The following MARS1 variants were observed in gnomAD, a reference collection of about 807,000 sequenced individuals.
MARS1 encodes methionine--tRNA ligase, cytoplasmic.
A neutral mutation model predicts 119.5 loss-of-function variants in MARS1; 80 were observed. That is an observed-to-expected ratio of 0.67 (90% CI 0.56 to 0.81). MARS1 has a LOEUF of 0.81. Ranked by LOEUF, MARS1 falls within the 30% of genes least tolerant of loss-of-function variation. MARS1 has a pLI of 0.00. For synonymous variants in MARS1, 418 were observed against 433.4 expected (o/e 0.96, Z 0.44); for missense variants, 945 against 1,116.5 (o/e 0.85, Z 2.19).
At chr12:57,498,932 CT>C (rs953432128) in intron 9 of MARS1, among the ~76,000 whole-genome samples, 5 of 152,138 alleles carry the variant, frequency 3.3e-5, no homozygotes, top group African/African-American at 1.2e-4. Flanking sequence ...CTTCCCACTC[CT>C]GTATGCATTT....
rs754906586 is a variant in MARS1 at position 57,498,262 on chromosome 12, T to C, written c.876T>C (p.Asp292=). 4 of 1,614,106 alleles carry C rather than the reference T, an allele frequency of 2.5e-6. No individual in the cohort carries two copies. The South Asian group carries it at 4.4e-5, about 18-fold the overall frequency. ...TCATTGGTTGTGTGCTCAGTGCCGATGTCTTTGCCAGGTGGAGCCAGCTGC... is the reference window on the plus strand; with the variant it reads ...TCATTGGTTGTGTGCTCAGTGCCGACGTCTTTGCCAGGTGGAGCCAGCTGC... ...GNIIGCVLSA[D]VFARYSRLRQ... is the part of the protein sequence containing the mutation. The change falls in exon 8 of 21, where the codon GAT becomes GAC. Residue 292 remains aspartate, a synonymous_variant. Transcript: ENST00000262027.
At chr12:57,489,601 G>T (rs999190465) in intron 4 of MARS1, 43 bp downstream of exon 4, 1 of 1,612,358 alleles carries the variant, frequency 6.2e-7, no homozygotes. Flanking sequence ...GGCTTATGGT[G>T]TAAGGATTAA....
At chr12:57,495,177 C>A (rs547795247) in intron 7 of MARS1, among the ~76,000 whole-genome samples, 1 of 149,066 alleles carries the variant, frequency 6.7e-6, no homozygotes, top group African/African-American at 2.5e-5. Context: ...GCGGGGGCTG[C>A]CCCCCACCTC....
At chr12:57,507,749 G>A (rs1405714096) in intron 11 of MARS1, among the ~76,000 whole-genome samples, 7 of 143,810 alleles carry the variant, frequency 4.9e-5, no homozygotes, top group African/African-American at 1.8e-4. Context: ...CTGGCCGGGC[G>A]GGGGCTGACC....
rs1875800426 is a variant in MARS1, at chr12:57,489,929, G to A, written c.448G>A (p.Gly150Arg). 1.2e-6 allele frequency: 2 copies of A among 1,614,058 alleles called. No homozygotes were observed. The highest frequency in any genetic ancestry group is 1.7e-6 in the Non-Finnish European group (2 of 1,179,996). ...ATCTCTAGCCGACATTGTTTTGTGG[G>A]GAGCCCTATACCCATTACTGCAAGA... ...TESLADIVLW[G>R]ALYPLLQDPA... Residue 150 changes from glycine to arginine, a missense_variant, in exon 5 of 21, where the codon GGA becomes AGA. Physicochemically the swap from Gly to Arg is moderately radical, Grantham distance 125. Transcript: ENST00000262027.
At chr12:57,502,810 G>A (rs995684479) in intron 10 of MARS1, among the ~76,000 whole-genome samples, 2 of 150,486 alleles carry the variant, frequency 1.3e-5, no homozygotes, top group Non-Finnish European at 1.5e-5. Context: ...GGCAGATCAC[G>A]AGATCAGGAG....
chr12:57,513,986 C>G (rs79791981), intron 15 of MARS1, among the ~76,000 whole-genome samples: 4,060 of 149,514 alleles, frequency 0.027, 96 homozygotes, highest in East Asian at 0.13. Flanking sequence ...TCACTTGAAC[C>G]CGGGAGGCAA....
intron 7 of MARS1, among the ~76,000 whole-genome samples, chr12:57,495,367 C>T (rs1431114950): frequency 2.2e-5 from 3 of 135,584 alleles, no homozygotes; most frequent in Non-Finnish European, 3.2e-5. Context: ...CAGACGGGGT[C>T]GCGGCCGGGC....
rs199634933 is a variant in MARS1 at position 57,507,142 on chromosome 12, A to G, written c.1368+2843A>G. Among the ~76,000 whole-genome samples the G allele has an allele frequency of 4.6e-5, 7 of 152,122 alleles. No individual in the cohort carries two copies. In the East Asian group the frequency reaches 1.4e-3, roughly 29 times the overall value. On this transcript the variant is annotated intron_variant, in intron 11 of 20. Transcript: ENST00000262027. ...ATTTAACCCTGAGTGGACACAGCAC[A>G]TGTTTCAGAGAGCACAGGGTTGGGG...
At position 57,515,813 on chromosome 12, in the gene MARS1, G is replaced by A. The variant is rs958239583; in HGVS notation, c.2392-107G>A. Reference sequence around the variant, plus strand: ...CAGATATTAGCTCAGTGTTAAGCTCGTTCTTTCTAAAACACATCAGAGATT... The same window carrying A: ...CAGATATTAGCTCAGTGTTAAGCTCATTCTTTCTAAAACACATCAGAGATT... On this transcript the variant is annotated intron_variant, in intron 18 of 20. Coordinates refer to ENST00000262027, the MANE Select transcript of MARS1 (RefSeq NM_004990.4). 26 of 833,424 alleles carry A rather than the reference G, an allele frequency of 3.1e-5. No homozygotes were observed. In the African/African-American group the frequency reaches 3.7e-4, roughly 12 times the overall value. The allele number at this position is 833,424 out of a possible 1,614,324, so 51.6% of individuals were successfully genotyped here.
intron 11 of MARS1, among the ~76,000 whole-genome samples, chr12:57,510,355 C>T (rs1877449071): frequency 6.6e-6 from 1 of 152,088 alleles, no homozygotes; most frequent in Non-Finnish European, 1.5e-5. Context: ...ACCTGTAGTC[C>T]CAGCTACTCA....
intron 7 of MARS1, among the ~76,000 whole-genome samples, chr12:57,496,303 A>G (rs1876629920): frequency 6.6e-6 from 1 of 150,850 alleles, no homozygotes; most frequent in African/African-American, 2.4e-5. Flanking sequence ...AGCTGGGATT[A>G]CAAGCACGCA....
chr12:57,498,245 T>TG lies in MARS1; in HGVS notation c.860dup (p.Cys287TrpfsTer27). The stretch of plus-strand genomic sequence containing the variant: ...CCCCCACCTTGGGAACATCATTGGT[T>TG]GTGTGCTCAGTGCCGATGTCTTTGC... On this transcript the variant is annotated frameshift_variant, in exon 8 of 21. Transcript: ENST00000262027. LOFTEE classifies it high-confidence loss of function. The TG allele has an allele frequency of 6.2e-7, 1 of 1,614,176 alleles. No homozygotes were observed. Among genetic ancestry groups the TG allele is most frequent in the South Asian group, 1.1e-5 (1 of 91,086 alleles).
intron 9 of MARS1, 92 bp downstream of exon 9, chr12:57,498,715 T>C (rs1876765785): frequency 3.3e-6 from 4 of 1,200,446 alleles, no homozygotes; most frequent in Non-Finnish European, 4.9e-6. Context: ...CCCGGGTGGC[T>C]GTCTGGGCAC....
chr12:57,489,156 C>T (rs752047360), intron 2 of MARS1, 47 bp downstream of exon 2: 2 of 1,600,346 alleles, frequency 1.2e-6, no homozygotes, highest in Non-Finnish European at 8.6e-7. Context: ...TCAAATCAGG[C>T]CTCACTGTCA....
intron 7 of MARS1, among the ~76,000 whole-genome samples, chr12:57,495,685 C>T (rs1046104719): frequency 4.6e-5 from 7 of 152,184 alleles, no homozygotes; most frequent in East Asian, 1.9e-4. Context: ...GCCGAGATCA[C>T]GCCACTGCAC....
chr12:57,508,678 G>GAGAGGTAGAGGT (rs1555167934), intron 11 of MARS1, among the ~76,000 whole-genome samples: 2 of 145,346 alleles, frequency 1.4e-5, no homozygotes, highest in Non-Finnish European at 3.0e-5. Flanking sequence ...AGACCGTGGG[G>GAGAGGTAGAGGT]AGAGGTAGAG....
rs551025377 is a variant in MARS1, at chr12:57,503,972, A to G, written c.1294-253A>G. 19 of 511,850 alleles carry G rather than the reference A, an allele frequency of 3.7e-5. No individual in the cohort carries two copies. In the East Asian group the frequency reaches 5.5e-4, roughly 15 times the overall value. 31.7% of individuals were successfully genotyped at this position (511,850 alleles called of 1,614,324 possible). Reference sequence around the variant, plus strand: ...CAGTGCAGTGCTCTGTACCTAGCCTATGTTCAGAGAATGTTTTTTTTACTC... The same window carrying G: ...CAGTGCAGTGCTCTGTACCTAGCCTGTGTTCAGAGAATGTTTTTTTTACTC... On this transcript the variant is annotated intron_variant, in intron 10 of 20. Coordinates refer to ENST00000262027, the MANE Select transcript of MARS1 (RefSeq NM_004990.4).
In MARS1 at chr12:57,489,005, C is replaced by A. The variant is rs1350713008; in HGVS notation, c.110-14C>A. 2 of 1,581,476 alleles carry A rather than the reference C, an allele frequency of 1.3e-6. No homozygotes were observed. The highest frequency in any genetic ancestry group is 1.7e-6 in the Non-Finnish European group (2 of 1,154,824). On this transcript the variant is annotated splice_polypyrimidine_tract_variant and intron_variant, in intron 1 of 20. Transcript: ENST00000262027. ...CCTTTTTTTTTTTTAACCCATTTTC[C>A]ATTCTTGCATCAGATTGTGTGGTCC...
Sources: gnomAD v4.1 joint callset for allele counts (sites outside exome capture counted in the v4.1 genomes callset) on GRCh38, gnomAD v4.1.1 for gene constraint, MANE v1.5 for transcripts, NCBI Gene and HGNC (gene_info 2026-07-23, HGNC 2026-07-21) for gene names.